The following ATRAID variants were observed in gnomAD, a reference collection of about 807,000 sequenced individuals.
The protein encoded by ATRAID is all-trans retinoic acid induced differentiation factor, also known as all-trans retinoic acid-induced differentiation factor.
Under a neutral mutation model 28.8 loss-of-function variants are expected in ATRAID, and 26 were observed. The observed-to-expected ratio is 0.90, with a 90% CI of 0.66 to 1.25. The LOEUF (loss-of-function observed/expected upper bound fraction) is 1.25, where lower values mean the gene tolerates loss of function less well. ATRAID is among the 50% of genes most tolerant of loss of function. The probability of loss-of-function intolerance (pLI) is 0.00; values close to 1 mark genes in which losing one functional copy is unlikely to be tolerated. For missense variants in ATRAID, 308 were observed against 285.9 expected, an observed-to-expected ratio of 1.08 and a Z score of -0.56; for synonymous variants, 131 against 108.5, an observed-to-expected ratio of 1.21 and a Z score of -1.29.
chr2:27,214,180 C>G (rs1005409873), intron 2 of ATRAID, among the ~76,000 whole-genome samples: 1 of 152,120 alleles, frequency 6.6e-6, no homozygotes, highest in Non-Finnish European at 1.5e-5. Flanking sequence ...GGGCAGTGCT[C>G]TTGTTCCTCT....
At chr2:27,212,582 G>T in intron 1 of ATRAID, 115 bp downstream of exon 1, 2 of 1,459,698 alleles carry the variant, frequency 1.4e-6, no homozygotes, top group Non-Finnish European at 1.8e-6. Flanking sequence ...TTTCGTCCCT[G>T]ACGCTTCCCG....
At chr2:27,216,173 C>A (rs77466158) in intron 5 of ATRAID, among the ~76,000 whole-genome samples, 1 of 152,148 alleles carries the variant, frequency 6.6e-6, no homozygotes, top group Non-Finnish European at 1.5e-5. Context: ...GGAGAGATTA[C>A]AAGGAAACTT....
chr2:27,215,600 A>G (rs756173063), intron 4 of ATRAID, 32 bp from the exon 5 acceptor site: 37 of 1,614,098 alleles, frequency 2.3e-5, no homozygotes, highest in African/African-American at 6.7e-5. Context: ...GAGTTTAGCA[A>G]CTTTGCATGT....
intron 3 of ATRAID, 41 bp downstream of exon 3, chr2:27,215,433 T>C (rs763990232): frequency 3.7e-6 from 6 of 1,614,060 alleles, no homozygotes; most frequent in South Asian, 3.3e-5. Context: ...GCTAATATAA[T>C]GTAGGTTGAT....
intron 1 of ATRAID, 148 bp from the exon 2 acceptor site, chr2:27,213,028 AC>A (rs1674663465): frequency 2.1e-6 from 2 of 968,548 alleles, no homozygotes; most frequent in East Asian, 2.5e-5. Context: ...CTAGCCTGTT[AC>A]AAGGGTGGGA....
rs1301948522 is a variant in ATRAID at position 27,217,070 on chromosome 2, T to TG, written c.*124dup. ...TTCGCCTCAAGGTTGAGGCCGCCAT[T>TG]GGAAGATGAAAAATTGCACTCCCTT... On this transcript the variant is annotated 3_prime_UTR_variant, in exon 7 of 7. Transcript: ENST00000380171. 1.2e-6 allele frequency: 1 copy of TG among 803,160 alleles called. No homozygotes were observed. The highest frequency in any genetic ancestry group is 1.9e-6 in the Non-Finnish European group (1 of 518,810). 49.8% of individuals were successfully genotyped at this position (803,160 alleles called of 1,614,324 possible). A position where few individuals can be genotyped will look rare whatever the true frequency, so the allele number is the denominator to read the frequency against.
rs188610996 is a variant in ATRAID, at chr2:27,216,518, T to C, written c.488-5T>C. The C allele has an allele frequency of 2.8e-3, 4,428 of 1,608,110 alleles. 12 individuals carry two copies. Among genetic ancestry groups the C allele is most frequent in the Non-Finnish European group, 2.9e-3 (3,450 of 1,174,438 alleles). Reference sequence around the variant, plus strand: ...TGATGTTCTCTATTTCTCTCTGGCCTCCAGAAATGTGTCCTGAGAATGGAT... The same window carrying C: ...TGATGTTCTCTATTTCTCTCTGGCCCCCAGAAATGTGTCCTGAGAATGGAT... On this transcript the variant is annotated splice_polypyrimidine_tract_variant and splice_region_variant and intron_variant, in intron 5 of 6. Coordinates refer to ENST00000380171, the MANE Select transcript of ATRAID (RefSeq NM_001170795.4).
At chr2:27,214,333 C>T (rs1263926215) in intron 2 of ATRAID, among the ~76,000 whole-genome samples, 3 of 151,814 alleles carry the variant, frequency 2.0e-5, no homozygotes, top group Non-Finnish European at 4.4e-5. Flanking sequence ...AAAAAAATAA[C>T]GTGGCATGAT....
chr2:27,212,850 G>C, intron 1 of ATRAID: 2 of 450,972 alleles, frequency 4.4e-6, no homozygotes, highest in South Asian at 5.8e-5. Context: ...GTTTTACACC[G>C]CGCCAAACTA....
intron 5 of ATRAID, 107 bp downstream of exon 5, chr2:27,215,860 T>TGAATTC: frequency 1.4e-6 from 2 of 1,428,644 alleles, no homozygotes; most frequent in Non-Finnish European, 1.9e-6. Flanking sequence ...TTCAGAGTTC[T>TGAATTC]GGGGCTATAA....
intron 2 of ATRAID, among the ~76,000 whole-genome samples, chr2:27,214,531 T>C (rs1280734452): frequency 3.3e-5 from 5 of 152,178 alleles, no homozygotes; most frequent in Non-Finnish European, 7.3e-5. Context: ...ATTAGAACAG[T>C]GCTGGCGGAT....
At position 27,215,545 on chromosome 2, in the gene ATRAID, TGTGA is replaced by T. The variant is rs1278519532; in HGVS notation, c.365+3_365+6del. On this transcript the variant is annotated splice_donor_variant and splice_donor_region_variant and intron_variant, in intron 4 of 6. Coordinates refer to ENST00000380171, the MANE Select transcript of ATRAID (RefSeq NM_001170795.4). LOFTEE classifies it high-confidence loss of function. ...CGTGGCTTTACTCAGCTCCAGACTCTGTGAGTAAGGGTATGGGAAGAGAATCAAA... is the reference window on the plus strand; with the variant it reads ...CGTGGCTTTACTCAGCTCCAGACTCTGTAAGGGTATGGGAAGAGAATCAAA... 6.2e-7 allele frequency: 1 copy of T among 1,614,172 alleles called. No homozygotes were observed. Among genetic ancestry groups the T allele is most frequent in the African/African-American group, 1.3e-5 (1 of 75,050 alleles).
chr2:27,212,542 C>T (rs1674623361), intron 1 of ATRAID, 75 bp downstream of exon 1: 3 of 1,500,196 alleles, frequency 2.0e-6, no homozygotes, highest in Middle Eastern at 2.0e-4. Flanking sequence ...CAGCGGCTCC[C>T]CCTTCTCCTC....
chr2:27,215,220 A>G (rs962723568), intron 2 of ATRAID, 101 bp from the exon 3 acceptor site: 1 of 1,173,106 alleles, frequency 8.5e-7, no homozygotes, highest in African/African-American at 1.5e-5. Context: ...AGCTGTGTTC[A>G]ATTATTAGCT....
chr2:27,214,972 T>C (rs138320282), intron 2 of ATRAID, among the ~76,000 whole-genome samples: 1 of 152,308 alleles, frequency 6.6e-6, no homozygotes, highest in African/African-American at 2.4e-5. Flanking sequence ...TAAATTAATT[T>C]TCTTCTATAG....
chr2:27,213,099 G>A (rs1674668266), intron 1 of ATRAID, 78 bp from the exon 2 acceptor site: 2 of 1,555,176 alleles, frequency 1.3e-6, no homozygotes, highest in Admixed American at 1.8e-5. Flanking sequence ...ACGTGTACTG[G>A]CAGTTAATTC....
At chr2:27,215,937 A>C (rs1455129912) in intron 5 of ATRAID, among the ~76,000 whole-genome samples, 184 bp downstream of exon 5, 2 of 152,208 alleles carry the variant, frequency 1.3e-5, no homozygotes, top group Non-Finnish European at 2.9e-5. Context: ...GTGTAAAGAG[A>C]CCACCAAACA....
At chr2:27,212,737 C>T (rs1674636833) in intron 1 of ATRAID, 2 of 1,041,908 alleles carry the variant, frequency 1.9e-6, no homozygotes, top group Non-Finnish European at 2.6e-6. Context: ...CAGACGGGTC[C>T]TCTGCCTCTT....
chr2:27,216,856 C>G lies in ATRAID; in HGVS notation c.598C>G (p.Leu200Val). ...CTGTTGTTCACAGGGCTCGTTCTCA[C>G]TGCTTATGTTCTTCGGGATTCTGGG... ...YKCMRQGSFSLLMFFGILGAT... is the reference protein window; with the variant it reads ...YKCMRQGSFSVLMFFGILGAT... Residue 200 changes from leucine (L) to valine (V), a missense_variant, in exon 7 of 7, where the codon CTG becomes GTG. Transcript: ENST00000380171. 1 of 1,614,094 alleles carries G rather than the reference C, an allele frequency of 6.2e-7. No homozygotes were observed. Among genetic ancestry groups the G allele is most frequent in the South Asian group, 1.1e-5 (1 of 91,072 alleles).
Sources: gnomAD v4.1 joint callset for allele counts (sites outside exome capture counted in the v4.1 genomes callset) on GRCh38, gnomAD v4.1.1 for gene constraint, MANE v1.5 for transcripts, NCBI Gene and HGNC (gene_info 2026-07-23, HGNC 2026-07-21) for gene names.